The following SLC24A2 variants were observed in gnomAD, a reference collection of about 807,000 sequenced individuals.
SLC24A2 encodes the protein solute carrier family 24 member 2, also known as sodium/potassium/calcium exchanger 2.
A neutral mutation model predicts 62.0 loss-of-function variants in SLC24A2; 36 were observed. The observed-to-expected ratio is 0.58, with a 90% CI of 0.44 to 0.77. The LOEUF (loss-of-function observed/expected upper bound fraction) is 0.77. Among genes scored for constraint, SLC24A2 ranks in the 30% least tolerant of loss-of-function variants. The pLI, the probability that SLC24A2 is intolerant of heterozygous loss-of-function variation, is 0.00. For missense variants in SLC24A2, 846 were observed against 817.9 expected (o/e 1.03, Z -0.42); for synonymous variants, 358 against 294.0 (o/e 1.22, Z -2.23).
chr9:19,653,019 T>C (rs75209268), intron 2 of SLC24A2, among the ~76,000 whole-genome samples: 2,018 of 152,316 alleles, frequency 0.013, 66 homozygotes, highest in East Asian at 0.13. Context: ...TACTTGGCTT[T>C]GGTTTACCCA....
chr9:20,006,533 T>C, the SLC24A2 span, among the ~76,000 whole-genome samples: 2 of 152,174 alleles, frequency 1.3e-5, no homozygotes, highest in African/African-American at 2.4e-5. Flanking sequence ...TTTATCTGGC[T>C]GTGATTATTA....
At chr9:20,073,953 T>C in the SLC24A2 span, among the ~76,000 whole-genome samples, 3 of 149,364 alleles carry the variant, frequency 2.0e-5, no homozygotes, top group African/African-American at 7.3e-5. Context: ...TATGTATATA[T>C]ACACACACAT....
At chr9:19,580,796 G>A (rs539546042) in intron 5 of SLC24A2, among the ~76,000 whole-genome samples, 1 of 152,296 alleles carries the variant, frequency 6.6e-6, no homozygotes, top group South Asian at 2.1e-4. Context: ...TTTCCCATCT[G>A]TTAAGTAGGG....
the SLC24A2 span, among the ~76,000 whole-genome samples, chr9:19,812,238 TC>T: frequency 4.6e-5 from 7 of 152,292 alleles, no homozygotes; most frequent in East Asian, 1.3e-3. Context: ...TGGAAATTCT[TC>T]AATCCTTTAA....
the SLC24A2 span, among the ~76,000 whole-genome samples, chr9:19,824,911 A>G: frequency 6.6e-6 from 1 of 152,166 alleles, no homozygotes; most frequent in Admixed American, 6.5e-5. Flanking sequence ...TCAGCAAACT[A>G]ACACAGGAAC....
chr9:20,274,229 A>G, the SLC24A2 span, among the ~76,000 whole-genome samples: 1 of 152,190 alleles, frequency 6.6e-6, no homozygotes, highest in Non-Finnish European at 1.5e-5. Context: ...AGGACTATGG[A>G]TATAGCCAAA....
At chr9:20,061,022 G>A in the SLC24A2 span, among the ~76,000 whole-genome samples, 25 of 152,218 alleles carry the variant, frequency 1.6e-4, 1 homozygote, top group East Asian at 2.5e-3. Context: ...AGGCGTTGCT[G>A]AAAGTAATTT....
At chr9:19,692,468 T>A (rs1243409819) in intron 2 of SLC24A2, among the ~76,000 whole-genome samples, 1 of 152,156 alleles carries the variant, frequency 6.6e-6, no homozygotes, top group Non-Finnish European at 1.5e-5. Flanking sequence ...AGCCACCTTA[T>A]TAGTTTTTTT....
chr9:20,279,859 G>C, the SLC24A2 span, among the ~76,000 whole-genome samples: 1 of 152,046 alleles, frequency 6.6e-6, no homozygotes, highest in Admixed American at 6.6e-5. Flanking sequence ...CAGGTCTCAG[G>C]GACACACTCT....
chr9:20,237,049 G>A, the SLC24A2 span, among the ~76,000 whole-genome samples: 13,780 of 151,984 alleles, frequency 0.091, 837 homozygotes, highest in Non-Finnish European at 0.13. Context: ...AGCCTGAATC[G>A]CAAACACCAG....
intron 2 of SLC24A2, among the ~76,000 whole-genome samples, chr9:19,752,079 G>C (rs548307988): frequency 6.6e-6 from 1 of 152,146 alleles, no homozygotes; most frequent in Admixed American, 6.5e-5. Flanking sequence ...AATTAGACCT[G>C]AAAATGTTCA....
intron 8 of SLC24A2, among the ~76,000 whole-genome samples, chr9:19,531,924 C>A (rs1434715544): frequency 6.6e-6 from 1 of 151,894 alleles, no homozygotes; most frequent in African/African-American, 2.4e-5. Context: ...CATAAGTGCT[C>A]AGATAATTAT....
At chr9:19,932,293 G>A in the SLC24A2 span, among the ~76,000 whole-genome samples, 2 of 152,140 alleles carry the variant, frequency 1.3e-5, no homozygotes, top group Admixed American at 6.5e-5. Context: ...TTAAAATTCC[G>A]GTAGATATTT....
the SLC24A2 span, among the ~76,000 whole-genome samples, chr9:19,886,597 C>T: frequency 4.6e-5 from 7 of 152,214 alleles, no homozygotes; most frequent in Admixed American, 1.3e-4. Context: ...AACGCTTTTA[C>T]ACCATTGGTG....
At chr9:19,999,499 C>T in the SLC24A2 span, among the ~76,000 whole-genome samples, 2 of 152,138 alleles carry the variant, frequency 1.3e-5, no homozygotes, top group Non-Finnish European at 2.9e-5. Context: ...CTCATAGTAA[C>T]TAATGATTTA....
chr9:19,599,385 A>G lies in SLC24A2; in HGVS notation c.1079-2106T>C, dbSNP rs1026652774. 1.3e-5 allele frequency among the ~76,000 whole-genome samples: 2 copies of G among 152,222 alleles called. No individual in the cohort carries two copies. Among genetic ancestry groups the G allele is most frequent in the African/African-American group, 2.4e-5 (1 of 41,462 alleles). On this transcript the variant is annotated intron_variant, in intron 4 of 10. Transcript: ENST00000341998. The surrounding 1 kb of genome is among the most constrained non-coding windows in gnomAD (Gnocchi z 4.5). Reference sequence around the variant, plus strand: ...AAAATGAGTCTAATGATGGTGGAAGAGAAGGAAGAAGAGTAGTGAAAAGCT... The same window carrying G: ...AAAATGAGTCTAATGATGGTGGAAGGGAAGGAAGAAGAGTAGTGAAAAGCT...
the SLC24A2 span, among the ~76,000 whole-genome samples, chr9:20,262,113 G>T: frequency 6.6e-6 from 1 of 152,108 alleles, no homozygotes; most frequent in Admixed American, 6.5e-5. Flanking sequence ...TGTACAGATA[G>T]GAAAAGGCAG....
rs532672380 is a variant in SLC24A2 at position 19,763,567 on chromosome 9, T to A, written c.930+22370A>T. 1.6e-4 allele frequency among the ~76,000 whole-genome samples: 24 copies of A among 152,356 alleles called. No homozygotes were observed. The South Asian group carries it at 5.0e-3, about 32-fold the overall frequency. On this transcript the variant is annotated intron_variant, in intron 2 of 10. Transcript: ENST00000341998. ...AAGGCCTTTACTGCATCTGTTGAGA[T>A]AATCATGTAGTTTTGTCACTGGTTC...
At chr9:19,982,197 A>T in the SLC24A2 span, among the ~76,000 whole-genome samples, 2 of 152,228 alleles carry the variant, frequency 1.3e-5, no homozygotes, top group African/African-American at 4.8e-5. Context: ...TAAAAGAAAC[A>T]GAGTGTACAA....
Sources: gnomAD v4.1 joint callset for allele counts (sites outside exome capture counted in the v4.1 genomes callset) on GRCh38, gnomAD v4.1.1 for gene constraint, Gnocchi (gnomAD v3.1) non-coding constraint, MANE v1.5 for transcripts, NCBI Gene and HGNC (gene_info 2026-07-23, HGNC 2026-07-21) for gene names.